Variants in KIF5C observed in about 807,000 individuals in gnomAD.
The protein encoded by KIF5C is kinesin family member 5C, also known as kinesin heavy chain isoform 5C.
Under a neutral mutation model 125.2 loss-of-function variants are expected in KIF5C, and 18 were observed. That is an observed-to-expected ratio of 0.14 (90% CI 0.10 to 0.21). KIF5C has a LOEUF of 0.21. KIF5C is among the 10% of genes least tolerant of loss of function. The pLI is 1.00. For missense variants in KIF5C, 780 were observed against 1,183.8 expected (o/e 0.66, Z 5.01); for synonymous variants, 405 against 434.0 (o/e 0.93, Z 0.83).
At chr2:148,881,161 A>G (rs893866263) in intron 1 of KIF5C, among the ~76,000 whole-genome samples, 7 of 152,096 alleles carry the variant, frequency 4.6e-5, no homozygotes, top group Non-Finnish European at 1.0e-4. Context: ...CCTCATGTCA[A>G]CATTAGCTTT....
intron 2 of KIF5C, among the ~76,000 whole-genome samples, chr2:148,929,074 T>G (rs973892422): frequency 2.0e-5 from 3 of 152,240 alleles, no homozygotes; most frequent in Non-Finnish European, 1.5e-5. Context: ...TCCTTCTTCA[T>G]TAATGTATTC....
chr2:148,964,772 T>C (rs538585956), intron 11 of KIF5C, among the ~76,000 whole-genome samples: 47 of 152,092 alleles, frequency 3.1e-4, no homozygotes, highest in African/African-American at 1.1e-3. Flanking sequence ...TGGCCTGAGA[T>C]GGGCTCGAGG....
intron 18 of KIF5C, 90 bp downstream of exon 18, chr2:148,997,430 A>C: frequency 6.3e-7 from 1 of 1,589,762 alleles, no homozygotes; most frequent in East Asian, 2.3e-5. Context: ...TGTCACCTTC[A>C]GATCCGTATA....
intron 11 of KIF5C, among the ~76,000 whole-genome samples, chr2:148,970,407 A>G (rs940259678): frequency 2.0e-5 from 3 of 152,214 alleles, no homozygotes; most frequent in Non-Finnish European, 2.9e-5. Flanking sequence ...TACATATACT[A>G]TCTTCATTTA....
chr2:148,875,414 A>G lies in KIF5C; in HGVS notation c.-204A>G, dbSNP rs919715966. On this transcript the variant is annotated 5_prime_UTR_variant, in exon 1 of 26. Transcript: ENST00000435030. ...GCCGGTCTGCAGCCGGAGGGGCCGG[A>G]GCGGAGAAGCTGCCCACCTTCCCGG... The G allele has an allele frequency of 6.9e-5, 37 of 537,338 alleles. No homozygotes were observed. The highest frequency in any genetic ancestry group is 1.1e-4 in the Non-Finnish European group (33 of 306,208). 33.3% of individuals were successfully genotyped at this position (537,338 alleles called of 1,614,324 possible).
intron 2 of KIF5C, among the ~76,000 whole-genome samples, chr2:148,925,609 G>A (rs1681960432): frequency 6.6e-6 from 1 of 152,206 alleles, no homozygotes; most frequent in Non-Finnish European, 1.5e-5. Context: ...GCCTGGGCTT[G>A]TCAGACTGAC....
intron 1 of KIF5C, among the ~76,000 whole-genome samples, chr2:148,916,935 T>G (rs752937936): frequency 8.5e-5 from 13 of 152,184 alleles, no homozygotes; most frequent in Non-Finnish European, 1.8e-4. Flanking sequence ...CTGATCTTTC[T>G]TTATTTATAA....
At chr2:148,964,639 G>A (rs551126586) in intron 11 of KIF5C, among the ~76,000 whole-genome samples, 1 of 152,260 alleles carries the variant, frequency 6.6e-6, no homozygotes, top group African/African-American at 2.4e-5. Context: ...GCCAGTGAAG[G>A]GTTCCTTGAA....
intron 15 of KIF5C, 23 bp downstream of exon 15, chr2:148,983,789 C>A (rs1681300805): frequency 3.2e-6 from 5 of 1,576,150 alleles, no homozygotes; most frequent in Non-Finnish European, 4.3e-6. Flanking sequence ...TTCTTTTATC[C>A]TCTCTACCTG....
At chr2:148,950,806 CAAA>C (rs562335483) in intron 10 of KIF5C, among the ~76,000 whole-genome samples, 3 of 110,532 alleles carry the variant, frequency 2.7e-5, no homozygotes, top group Admixed American at 9.7e-5. Flanking sequence ...GAGACTGTCT[CAAA>C]AAAAAAAAAA....
intron 1 of KIF5C, among the ~76,000 whole-genome samples, chr2:148,916,670 C>T (rs773790425): frequency 2.6e-5 from 4 of 151,804 alleles, no homozygotes; most frequent in Admixed American, 6.6e-5. Context: ...ATGACACTGA[C>T]CACATCTTGA....
chr2:148,962,489 T>C (rs1682953640), intron 11 of KIF5C, among the ~76,000 whole-genome samples: 1 of 152,112 alleles, frequency 6.6e-6, no homozygotes, highest in Admixed American at 6.6e-5. Context: ...GTGTGTGTGC[T>C]TTCTTTTTCT....
At position 149,023,422 on chromosome 2, in the gene KIF5C, A is replaced by G. The variant is rs1375412049; in HGVS notation, c.*352A>G. ...TGTACGCCCTAATGTGCCATTCCCT[A>G]GAGGGGAACAACCAAGTGCCGTGGA... On this transcript the variant is annotated 3_prime_UTR_variant, in exon 26 of 26. Transcript: ENST00000435030. 6.6e-6 allele frequency: 1 copy of G among 152,596 alleles called. No individual in the cohort carries two copies. Among genetic ancestry groups the G allele is most frequent in the Non-Finnish European group, 1.5e-5 (1 of 68,032 alleles). The allele number at this position is 152,596 out of a possible 1,614,324, so 9.5% of individuals were successfully genotyped here. A position where few individuals can be genotyped will look rare whatever the true frequency, so the allele number is the denominator to read the frequency against.
intron 15 of KIF5C, among the ~76,000 whole-genome samples, chr2:148,988,521 G>T (rs552962839): frequency 4.9e-4 from 74 of 152,312 alleles, no homozygotes; most frequent in Admixed American, 3.0e-3. Flanking sequence ...TCTCTTCCCA[G>T]GGTGCCAGAG....
intron 7 of KIF5C, among the ~76,000 whole-genome samples, chr2:148,945,109 G>C (rs1682492380): frequency 6.6e-6 from 1 of 151,956 alleles, no homozygotes; most frequent in Non-Finnish European, 1.5e-5. Flanking sequence ...TTACACTATT[G>C]ATAGTGTCTT....
chr2:148,880,781 T>C (rs958016039), intron 1 of KIF5C, among the ~76,000 whole-genome samples: 17 of 152,140 alleles, frequency 1.1e-4, no homozygotes, highest in African/African-American at 4.1e-4. Flanking sequence ...CCTTCACATG[T>C]ACCCTGTGAA....
intron 1 of KIF5C, among the ~76,000 whole-genome samples, chr2:148,881,778 A>G (rs1436673288): frequency 6.9e-6 from 1 of 145,590 alleles, no homozygotes; most frequent in Non-Finnish European, 1.5e-5. Context: ...TTGCATGTGT[A>G]ATCTTACTAA....
intron 23 of KIF5C, among the ~76,000 whole-genome samples, chr2:149,009,373 A>G (rs1682114214): frequency 6.6e-6 from 1 of 152,146 alleles, no homozygotes; most frequent in Non-Finnish European, 1.5e-5. Context: ...GTGCTAGGAG[A>G]ACAAAGCAGG....
chr2:148,929,368 G>A lies in KIF5C; in HGVS notation c.291+14G>A, dbSNP rs753571463. ...CACACCATGGAGGTAAGATTACAATGTGCTCTAATGCGAATCTCTGAGATG... is the reference window on the plus strand; with the variant it reads ...CACACCATGGAGGTAAGATTACAATATGCTCTAATGCGAATCTCTGAGATG... On this transcript the variant is annotated intron_variant, in intron 3 of 25. Transcript: ENST00000435030. The A allele has an allele frequency of 5.2e-5, 78 of 1,496,314 alleles. No homozygotes were observed. The highest frequency in any genetic ancestry group is 5.9e-5 in the Non-Finnish European group (65 of 1,109,856). 92.7% of individuals were successfully genotyped at this position (1,496,314 alleles called of 1,614,324 possible).
Sources: gnomAD v4.1 joint callset for allele counts (sites outside exome capture counted in the v4.1 genomes callset) on GRCh38, gnomAD v4.1.1 for gene constraint, MANE v1.5 for transcripts, NCBI Gene and HGNC (gene_info 2026-07-23, HGNC 2026-07-21) for gene names.